Variants in ITGAL observed in about 807,000 individuals in gnomAD.
ITGAL encodes the protein integrin alpha-L.
ITGAL carries 68 observed loss-of-function variants against 138.4 expected under a neutral mutation model. The ratio of observed to expected loss-of-function variants is 0.49; its 90% CI spans 0.40 to 0.60. The LOEUF (loss-of-function observed/expected upper bound fraction) is 0.60. Ranked by LOEUF, ITGAL falls within the 20% of genes least tolerant of loss-of-function variation. The pLI is 0.00. For synonymous variants in ITGAL, 561 were observed against 584.3 expected (o/e 0.96, Z 0.57); for missense variants, 1,256 against 1,478.6 (o/e 0.85, Z 2.47).
In ITGAL at chr16:30,489,251, C is replaced by T; in HGVS notation, c.1081-3C>T. 1 of 1,614,038 alleles carries T rather than the reference C, an allele frequency of 6.2e-7. No homozygotes were observed. The highest frequency in any genetic ancestry group is 1.3e-5 in the African/African-American group (1 of 75,050). ...TGACCCGCTCATCTCCTTCCCTGGG[C>T]AGGGCCATGCAGTCGTGGGGGCAGT... is the stretch of plus-strand genomic sequence containing the variant. On this transcript the variant is annotated splice_region_variant and splice_polypyrimidine_tract_variant and intron_variant, in intron 10 of 30. Coordinates refer to ENST00000356798, the MANE Select transcript of ITGAL (RefSeq NM_002209.3).
At chr16:30,517,548 G>A (rs2051185828) in intron 26 of ITGAL, 101 bp from the exon 27 acceptor site, 5 of 939,314 alleles carry the variant, frequency 5.3e-6, no homozygotes, top group South Asian at 4.0e-5. Context: ...AGAGATGTCT[G>A]AACTCACCCA....
intron 9 of ITGAL, among the ~76,000 whole-genome samples, chr16:30,488,645 G>A (rs1472541417): frequency 6.8e-6 from 1 of 146,058 alleles, no homozygotes; most frequent in Non-Finnish European, 1.5e-5. Flanking sequence ...AGAGGCTGTG[G>A]TGAGCTGAGA....
chr16:30,517,555 C>T, intron 26 of ITGAL, 94 bp from the exon 27 acceptor site: 1 of 1,044,918 alleles, frequency 9.6e-7, no homozygotes, highest in Non-Finnish European at 1.5e-6. Flanking sequence ...TCTGAACTCA[C>T]CCAGGGCCAG....
At chr16:30,520,946 T>C (rs1006016382) in intron 30 of ITGAL, among the ~76,000 whole-genome samples, 1 of 151,852 alleles carries the variant, frequency 6.6e-6, no homozygotes, top group African/African-American at 2.4e-5. Context: ...TAGCTGGGCA[T>C]GGTGGCGCAT....
At position 30,474,213 on chromosome 16, in the gene ITGAL, A is replaced by AACCTG; in HGVS notation, c.80_84dup (p.Asp29ThrfsTer59). The AACCTG allele has an allele frequency of 6.2e-7, 1 of 1,606,852 alleles. No homozygotes were observed. The highest frequency in any genetic ancestry group is 2.2e-5 in the East Asian group (1 of 44,492). ...TTCCTCAGCGCCGGCCTCGAGCTAC[A>AACCTG]ACCTGGACGTGCGGGGCGCGCGGAG... On this transcript the variant is annotated frameshift_variant, in exon 2 of 31. Coordinates refer to ENST00000356798, the MANE Select transcript of ITGAL (RefSeq NM_002209.3). LOFTEE classifies it high-confidence loss of function.
intron 15 of ITGAL, among the ~76,000 whole-genome samples, chr16:30,498,467 A>C (rs2050836979): frequency 6.6e-6 from 1 of 151,974 alleles, no homozygotes; most frequent in Non-Finnish European, 1.5e-5. Flanking sequence ...AAGCATAATA[A>C]AATTCATGCA....
chr16:30,486,335 A>G (rs1460326667), intron 9 of ITGAL, among the ~76,000 whole-genome samples: 1 of 150,752 alleles, frequency 6.6e-6, no homozygotes, highest in Non-Finnish European at 1.5e-5. Flanking sequence ...GCTTGAACCC[A>G]GGAGGCAGAG....
At position 30,517,103 on chromosome 16, in the gene ITGAL, G is replaced by A. The variant is rs537786751; in HGVS notation, c.2976+17G>A. 83 of 1,527,774 alleles carry A rather than the reference G, an allele frequency of 5.4e-5. 1 individual carries two copies. The South Asian group carries it at 6.8e-4, about 12-fold the overall frequency. The allele number at this position is 1,527,774 out of a possible 1,614,324, so 94.6% of individuals were successfully genotyped here. ...GTGCAGATGGTGAGTGCTGCCTGTA[G>A]AGGGAGGGTCTACCCTCCTCAGGTC... On this transcript the variant is annotated intron_variant, in intron 26 of 30. Coordinates refer to ENST00000356798, the MANE Select transcript of ITGAL (RefSeq NM_002209.3).
chr16:30,512,584 G>A (rs1199258268), intron 24 of ITGAL, among the ~76,000 whole-genome samples: 3 of 147,110 alleles, frequency 2.0e-5, no homozygotes, highest in Non-Finnish European at 4.5e-5. Flanking sequence ...GAGACCCTGT[G>A]TGAAAAAAAA....
At position 30,494,390 on chromosome 16, in the gene ITGAL, G is replaced by T; in HGVS notation, c.1365+27G>T. ...TGCGCCCAGTCCGAGGGCATCTGCA[G>T]ACCAGGGACTGGCGGGACACACATC... On this transcript the variant is annotated intron_variant, in intron 12 of 30. Coordinates refer to ENST00000356798, the MANE Select transcript of ITGAL (RefSeq NM_002209.3). The surrounding 1 kb of genome is among the most constrained non-coding windows in gnomAD (Gnocchi z 4.2). The T allele has an allele frequency of 6.3e-7, 1 of 1,576,486 alleles. No homozygotes were observed. The highest frequency in any genetic ancestry group is 1.1e-5 in the South Asian group (1 of 88,806).
At chr16:30,496,068 G>C (rs2050794217) in intron 13 of ITGAL, 29 bp from the exon 14 acceptor site, 1 of 1,578,188 alleles carries the variant, frequency 6.3e-7, no homozygotes, top group South Asian at 1.1e-5. Flanking sequence ...GAGTGACTTG[G>C]GTGTGACCTG....
chr16:30,490,226 T>TAA (rs780440564), intron 11 of ITGAL, among the ~76,000 whole-genome samples: 35,607 of 114,420 alleles, frequency 0.31, 7,180 homozygotes, highest in South Asian at 0.66. Flanking sequence ...AGACTCCGTC[T>TAA]TAAAAAAAAA....
intron 1 of ITGAL, among the ~76,000 whole-genome samples, chr16:30,473,335 A>C (rs1304259193): frequency 6.6e-6 from 1 of 152,214 alleles, no homozygotes; most frequent in Non-Finnish European, 1.5e-5. Context: ...CGGGAGGCTG[A>C]GGCATGAGAA....
At chr16:30,505,146 A>G (rs111740185) in intron 18 of ITGAL, 98 bp from the exon 19 acceptor site, 2 of 1,217,578 alleles carry the variant, frequency 1.6e-6, no homozygotes, top group Admixed American at 2.8e-5. Context: ...CAGCCAGCCC[A>G]GTTGAGCTAA....
chr16:30,475,446 A>C, intron 3 of ITGAL, 46 bp downstream of exon 3: 1 of 1,602,624 alleles, frequency 6.2e-7, no homozygotes, highest in Non-Finnish European at 8.5e-7. Flanking sequence ...TCTTGGGGAA[A>C]CTGAGGCTGG....
At chr16:30,493,281 A>ATTTTATTTTATTTTT (rs377567061) in intron 11 of ITGAL, among the ~76,000 whole-genome samples, 2 of 91,698 alleles carry the variant, frequency 2.2e-5, no homozygotes, top group Admixed American at 2.7e-4. Context: ...ATTTTATTTT[A>ATTTTATTTTATTTTT]TTTATTTATT....
In ITGAL at chr16:30,494,439, G is replaced by C; in HGVS notation, c.1365+76G>C. 8 of 1,440,010 alleles carry C rather than the reference G, an allele frequency of 5.6e-6. No homozygotes were observed. Among genetic ancestry groups the C allele is most frequent in the Non-Finnish European group, 6.6e-6 (7 of 1,067,638 alleles). 89.2% of individuals were successfully genotyped at this position (1,440,010 alleles called of 1,614,324 possible). On this transcript the variant is annotated intron_variant, in intron 12 of 30. Coordinates refer to ENST00000356798, the MANE Select transcript of ITGAL (RefSeq NM_002209.3). The surrounding 1 kb of genome is among the most constrained non-coding windows in gnomAD (Gnocchi z 4.2). ...TCACACTCCCTTCTGTCCTTTGAAT[G>C]CTCATCCACTTACCATGTGGCAGCC...
chr16:30,505,629 G>C (rs2050977085), intron 20 of ITGAL, among the ~76,000 whole-genome samples, 167 bp downstream of exon 20: 1 of 152,138 alleles, frequency 6.6e-6, no homozygotes, highest in African/African-American at 2.4e-5. Flanking sequence ...TATAATCCCA[G>C]CACTTCAGGA....
intron 4 of ITGAL, among the ~76,000 whole-genome samples, 159 bp downstream of exon 4, chr16:30,475,739 T>TA (rs2050462017): frequency 7.1e-6 from 1 of 140,038 alleles, no homozygotes; most frequent in East Asian, 2.0e-4. Flanking sequence ...CCAGCCTTTT[T>TA]TTTTTTTTTT....
Sources: gnomAD v4.1 joint callset for allele counts (sites outside exome capture counted in the v4.1 genomes callset) on GRCh38, gnomAD v4.1.1 for gene constraint, Gnocchi (gnomAD v3.1) non-coding constraint, MANE v1.5 for transcripts, NCBI Gene and HGNC (gene_info 2026-07-23, HGNC 2026-07-21) for gene names.